The following TANGO6 variants were observed in gnomAD, a reference collection of about 807,000 sequenced individuals.
TANGO6 encodes transport and golgi organization 6 homolog.
A neutral mutation model predicts 114.2 loss-of-function variants in TANGO6; 90 were observed. The observed-to-expected ratio is 0.79, with a 90% CI of 0.66 to 0.94. TANGO6 has a LOEUF of 0.94. Ranked by LOEUF, TANGO6 falls within the 40% of genes least tolerant of loss-of-function variation. TANGO6 has a pLI of 0.00. For missense variants in TANGO6, 1,274 were observed against 1,315.3 expected, an observed-to-expected ratio of 0.97 and a Z score of 0.49; for synonymous variants, 477 against 509.8, an observed-to-expected ratio of 0.94 and a Z score of 0.87.
chr16:69,058,810 C>T (rs918326059), intron 17 of TANGO6, among the ~76,000 whole-genome samples: 4 of 151,918 alleles, frequency 2.6e-5, no homozygotes, highest in South Asian at 2.1e-4. Context: ...GGACTACAGG[C>T]GCCCGCCACC....
At chr16:69,044,104 G>T (rs1959814023) in intron 17 of TANGO6, among the ~76,000 whole-genome samples, 1 of 152,166 alleles carries the variant, frequency 6.6e-6, no homozygotes, top group Non-Finnish European at 1.5e-5. Flanking sequence ...TCACTCTGGT[G>T]CCCAGGCTGG....
chr16:68,919,104 C>A lies in TANGO6; in HGVS notation c.2012C>A (p.Ala671Glu). The A allele has an allele frequency of 6.2e-7, 1 of 1,612,768 alleles. No individual in the cohort carries two copies. The highest frequency in any genetic ancestry group is 8.5e-7 in the Non-Finnish European group (1 of 1,179,416). Residue 671 changes from alanine to glutamate, a missense_variant, in exon 12 of 18, where the codon GCA (alanine) becomes GAA (glutamate). By Grantham distance (107) the Ala-to-Glu change is moderately radical. This residue lies in a region of TANGO6 where 908 missense variants were observed against 910.2 expected (regional missense o/e 1.00). Coordinates refer to ENST00000261778, the MANE Select transcript of TANGO6 (RefSeq NM_024562.2). Reference protein sequence around the residue: ...NVTQVVDFVAATLQRACASLA... With the variant: ...NVTQVVDFVAETLQRACASLA... ...GGGTAGGTGGTGGACTTTGTAGCAG[C>A]AACATTGCAGAGAGCCTGTGCAAGC...
At chr16:68,919,606 A>C (rs1191305301) in intron 12 of TANGO6, among the ~76,000 whole-genome samples, 1 of 152,174 alleles carries the variant, frequency 6.6e-6, no homozygotes, top group Non-Finnish European at 1.5e-5. Flanking sequence ...GGATCCATCT[A>C]TTTTGAATGC....
chr16:68,971,076 C>G (rs1347059099), intron 14 of TANGO6, among the ~76,000 whole-genome samples: 1 of 150,154 alleles, frequency 6.7e-6, no homozygotes, highest in South Asian at 2.1e-4. Context: ...TTGCTTGAAC[C>G]GGGAGGTGGA....
intron 12 of TANGO6, among the ~76,000 whole-genome samples, chr16:68,923,323 C>A (rs1335203141): frequency 6.6e-6 from 1 of 152,018 alleles, no homozygotes; most frequent in Non-Finnish European, 1.5e-5. Context: ...TTACCAGGAG[C>A]ATGGACTGTG....
intron 7 of TANGO6, among the ~76,000 whole-genome samples, chr16:68,896,978 A>C (rs1962714401): frequency 6.6e-6 from 1 of 151,968 alleles, no homozygotes. Flanking sequence ...ATCTCGGCTC[A>C]CTGCAACCTC....
chr16:68,973,169 G>A (rs1280919990), intron 14 of TANGO6: 2 of 455,994 alleles, frequency 4.4e-6, no homozygotes, highest in Admixed American at 4.7e-5. Context: ...CCAATGAGGG[G>A]ATTATTGGAG....
intron 17 of TANGO6, among the ~76,000 whole-genome samples, chr16:69,063,448 C>A (rs1270300198): frequency 6.6e-6 from 1 of 151,550 alleles, no homozygotes. Context: ...TGGCGTGAAC[C>A]CCGGGGGCGG....
intron 14 of TANGO6, chr16:68,933,764 A>G (rs1222384322): frequency 6.6e-6 from 1 of 152,248 alleles, no homozygotes; most frequent in Admixed American, 6.5e-5. Context: ...AAGTCAAGGG[A>G]TAGAGAAATA....
intron 1 of TANGO6, among the ~76,000 whole-genome samples, chr16:68,844,500 G>A (rs921600802): frequency 5.3e-5 from 8 of 152,098 alleles, no homozygotes; most frequent in South Asian, 2.1e-4. Context: ...TATCACTGGG[G>A]TGTATATTTG....
intron 17 of TANGO6, among the ~76,000 whole-genome samples, chr16:69,062,319 A>G (rs1317278897): frequency 6.6e-6 from 1 of 152,048 alleles, no homozygotes; most frequent in Non-Finnish European, 1.5e-5. Flanking sequence ...TCCTTTTGAA[A>G]CCATGGTATC....
chr16:68,984,038 G>GAAAAAAAAA (rs1165109764), intron 15 of TANGO6, among the ~76,000 whole-genome samples: 1 of 73,292 alleles, frequency 1.4e-5, no homozygotes, highest in Non-Finnish European at 3.0e-5. Flanking sequence ...GTCTCAAAAA[G>GAAAAAAAAA]AAAAAAAAAA....
At chr16:69,016,676 T>C (rs889936769) in intron 15 of TANGO6, among the ~76,000 whole-genome samples, 1 of 152,046 alleles carries the variant, frequency 6.6e-6, no homozygotes, top group Non-Finnish European at 1.5e-5. Context: ...TATTTATTAT[T>C]ATTATTTTGA....
intron 17 of TANGO6, among the ~76,000 whole-genome samples, chr16:69,051,121 AAAT>A (rs1434866679): frequency 6.6e-6 from 1 of 152,170 alleles, no homozygotes; most frequent in African/African-American, 2.4e-5. Flanking sequence ...TTTAAAATAA[AAAT>A]AAAATTACAT....
chr16:68,916,993 C>T (rs1047439437), intron 11 of TANGO6, among the ~76,000 whole-genome samples: 1 of 152,106 alleles, frequency 6.6e-6, no homozygotes, highest in African/African-American at 2.4e-5. Flanking sequence ...TTTGCAATGC[C>T]CTGTATCTAC....
intron 15 of TANGO6, among the ~76,000 whole-genome samples, chr16:68,985,416 G>T (rs1180256439): frequency 6.6e-6 from 1 of 152,020 alleles, no homozygotes; most frequent in Non-Finnish European, 1.5e-5. Flanking sequence ...TATACTTCTT[G>T]ATATTTAGCA....
At chr16:69,076,000 T>C (rs1597081615) in intron 17 of TANGO6, among the ~76,000 whole-genome samples, 1 of 148,594 alleles carries the variant, frequency 6.7e-6, no homozygotes, top group African/African-American at 2.5e-5. Flanking sequence ...CCTGACCTCG[T>C]GATCTTCCCA....
chr16:69,075,797 C>G (rs893078848), intron 17 of TANGO6, among the ~76,000 whole-genome samples: 2 of 147,046 alleles, frequency 1.4e-5, no homozygotes, highest in Non-Finnish European at 3.0e-5. Flanking sequence ...CAGAGTCTCA[C>G]TCTGTGTTAC....
intron 15 of TANGO6, among the ~76,000 whole-genome samples, chr16:68,990,887 C>T (rs954005337): frequency 1.3e-5 from 2 of 152,066 alleles, no homozygotes; most frequent in African/African-American, 4.8e-5. Context: ...TATATTCTGG[C>T]AAAATTACTT....
Sources: gnomAD v4.1 joint callset for allele counts (sites outside exome capture counted in the v4.1 genomes callset) on GRCh38, gnomAD v4.1.1 for gene constraint, gnomAD v4.1.1 regional missense constraint, MANE v1.5 for transcripts, NCBI Gene and HGNC (gene_info 2026-07-23, HGNC 2026-07-21) for gene names.